Variants in PTPRT observed in about 807,000 individuals in gnomAD.
PTPRT encodes the protein receptor-type tyrosine-protein phosphatase T.
In PTPRT, 56 loss-of-function variants were observed where a neutral mutation model predicts 176.8. The ratio of observed to expected loss-of-function variants is 0.32; its 90% CI spans 0.26 to 0.40. The LOEUF is 0.40. Ranked by LOEUF, PTPRT falls within the 10% of genes least tolerant of loss-of-function variation. The pLI, the probability that PTPRT is intolerant of heterozygous loss-of-function variation, is 1.00. For synonymous variants in PTPRT, 783 were observed against 739.0 expected (o/e 1.06, Z -0.96); for missense variants, 1,540 against 1,908.2 (o/e 0.81, Z 3.60).
intron 1 of PTPRT, among the ~76,000 whole-genome samples, chr20:42,886,849 TGGA>T (rs1198276818): frequency 2.0e-5 from 3 of 152,198 alleles, no homozygotes; most frequent in East Asian, 1.9e-4. Flanking sequence ...AAAGCAGAAG[TGGA>T]GGAGAAGTGA....
intron 2 of PTPRT, among the ~76,000 whole-genome samples, chr20:42,872,561 G>A (rs138728450): frequency 4.2e-4 from 64 of 152,306 alleles, no homozygotes; most frequent in African/African-American, 1.4e-3. Flanking sequence ...ACAGACGAAT[G>A]GAGGGGTTAG....
chr20:42,950,111 T>TA (rs1981146293), intron 1 of PTPRT, among the ~76,000 whole-genome samples: 1 of 152,186 alleles, frequency 6.6e-6, no homozygotes, highest in South Asian at 2.1e-4. Context: ...CCAAGCCTAG[T>TA]AATCATTAAC....
chr20:42,199,274 G>A lies in PTPRT; in HGVS notation c.2457C>T (p.Gly819=). The A allele has an allele frequency of 6.2e-7, 1 of 1,614,162 alleles. No individual in the cohort carries two copies. The highest frequency in any genetic ancestry group is 8.5e-7 in the Non-Finnish European group (1 of 1,180,024). The change falls in exon 16 of 31, where the codon GGC becomes GGT. Residue 819 remains glycine, a synonymous_variant. Transcript: ENST00000373187. The part of the protein sequence containing the change: ...TKLSASRNDE[G]FSSSSQDVNG... ...TGACGTCCTGAGAACTAGAAGAGAA[G>A]CCTTCATCATTGCGGCTGGCGCTGA...
chr20:43,154,685 G>C (rs1045256088), intron 1 of PTPRT, among the ~76,000 whole-genome samples: 1 of 152,118 alleles, frequency 6.6e-6, no homozygotes, highest in Non-Finnish European at 1.5e-5. Flanking sequence ...TTTTGGATAT[G>C]ACCTCAAAAG....
intron 13 of PTPRT, among the ~76,000 whole-genome samples, chr20:42,274,932 A>C (rs537699823): frequency 6.6e-6 from 1 of 152,310 alleles, no homozygotes; most frequent in South Asian, 2.1e-4. Context: ...AATAGGTAGG[A>C]GACAGAGCAT....
intron 7 of PTPRT, among the ~76,000 whole-genome samples, 173 bp from the exon 8 acceptor site, chr20:42,472,735 A>C (rs144474902): frequency 4.9e-4 from 74 of 152,362 alleles, no homozygotes; most frequent in African/African-American, 1.7e-3. Flanking sequence ...TTTTCTTTAC[A>C]TCAATCTCCC....
chr20:43,083,641 G>A (rs919869143), intron 1 of PTPRT, among the ~76,000 whole-genome samples: 1 of 151,816 alleles, frequency 6.6e-6, no homozygotes, highest in Admixed American at 6.6e-5. Flanking sequence ...TTACAGGCAT[G>A]AGCCACCGCA....
intron 7 of PTPRT, among the ~76,000 whole-genome samples, chr20:42,561,012 G>T (rs917020638): frequency 6.6e-6 from 1 of 152,172 alleles, no homozygotes; most frequent in Non-Finnish European, 1.5e-5. Flanking sequence ...GGTCTAGGAG[G>T]CCTCTGAATT....
chr20:42,266,368 T>A (rs1278255138), intron 13 of PTPRT, among the ~76,000 whole-genome samples: 1 of 152,190 alleles, frequency 6.6e-6, no homozygotes. Flanking sequence ...GCCTCCAGAC[T>A]GGACACTGTC....
chr20:42,940,499 G>A (rs1458086113), intron 1 of PTPRT, among the ~76,000 whole-genome samples: 1 of 152,188 alleles, frequency 6.6e-6, no homozygotes, highest in African/African-American at 2.4e-5. Flanking sequence ...AGACAGGATA[G>A]ATATGAAAAT....
chr20:42,110,752 G>A (rs1986937380), intron 22 of PTPRT, among the ~76,000 whole-genome samples: 1 of 150,772 alleles, frequency 6.6e-6, no homozygotes, highest in Non-Finnish European at 1.5e-5. Flanking sequence ...ATGCCCAAGA[G>A]GGCCACAGAG....
intron 7 of PTPRT, among the ~76,000 whole-genome samples, chr20:42,474,319 T>C (rs977220498): frequency 2.0e-5 from 3 of 152,174 alleles, no homozygotes; most frequent in South Asian, 2.1e-4. Flanking sequence ...TTGGTGCTAG[T>C]TGATCTGTCC....
At chr20:42,497,296 T>C (rs989077460) in intron 7 of PTPRT, among the ~76,000 whole-genome samples, 1 of 152,162 alleles carries the variant, frequency 6.6e-6, no homozygotes, top group African/African-American at 2.4e-5. Flanking sequence ...ATGTCTTTTA[T>C]GGCATTTTTC....
At chr20:42,822,158 A>C (rs2077906259) in intron 2 of PTPRT, among the ~76,000 whole-genome samples, 1 of 152,214 alleles carries the variant, frequency 6.6e-6, no homozygotes, top group African/African-American at 2.4e-5. Flanking sequence ...ACTATACTAC[A>C]AGGATACAGC....
chr20:42,887,036 T>C (rs929624815), intron 1 of PTPRT, among the ~76,000 whole-genome samples: 1 of 152,188 alleles, frequency 6.6e-6, no homozygotes, highest in Non-Finnish European at 1.5e-5. Flanking sequence ...TCTTTTCCAA[T>C]GTCCCTTTCT....
chr20:42,300,313 G>C (rs1269360067), intron 12 of PTPRT, among the ~76,000 whole-genome samples: 1 of 150,590 alleles, frequency 6.6e-6, no homozygotes, highest in Non-Finnish European at 1.5e-5. Flanking sequence ...GACAGGTAGA[G>C]GGATACATAG....
At chr20:42,508,973 T>A (rs940884545) in intron 7 of PTPRT, among the ~76,000 whole-genome samples, 1 of 133,338 alleles carries the variant, frequency 7.5e-6, no homozygotes, top group African/African-American at 2.7e-5. Flanking sequence ...AGATATAAAT[T>A]ATATAATTTA....
intron 3 of PTPRT, among the ~76,000 whole-genome samples, chr20:42,787,186 G>A (rs1600737906): frequency 6.6e-6 from 1 of 152,332 alleles, no homozygotes; most frequent in East Asian, 1.9e-4. Flanking sequence ...TAAGCCACAT[G>A]TGCCAGTATG....
chr20:43,082,016 C>A (rs1049119357), intron 1 of PTPRT, among the ~76,000 whole-genome samples: 1 of 152,130 alleles, frequency 6.6e-6, no homozygotes, highest in Non-Finnish European at 1.5e-5. Flanking sequence ...AACCATTTTT[C>A]ATCTTTTTTG....
Sources: gnomAD v4.1 joint callset for allele counts (sites outside exome capture counted in the v4.1 genomes callset) on GRCh38, gnomAD v4.1.1 for gene constraint, MANE v1.5 for transcripts, NCBI Gene and HGNC (gene_info 2026-07-23, HGNC 2026-07-21) for gene names.